C3orf20: variants seen among roughly 807,000 people sequenced by gnomAD.
The protein encoded by C3orf20 is family with sequence similarity 149 member C.
Under a neutral mutation model 88.3 loss-of-function variants are expected in C3orf20, and 76 were observed. The ratio of observed to expected loss-of-function variants is 0.86; its 90% CI spans 0.72 to 1.04. The LOEUF is 1.04. Among genes scored for constraint, C3orf20 ranks in the 50% least tolerant of loss-of-function variants. C3orf20 has a pLI of 0.00. For missense variants in C3orf20, 1,056 were observed against 1,123.3 expected (o/e 0.94, Z 0.86); for synonymous variants, 436 against 437.4 (o/e 1.00, Z 0.04).
Position 14,761,556 on chromosome 3 carries a change from C to T in C3orf20, c.2436C>T (p.Ile812=). The part of the protein sequence containing the change: ...GLSKQNLLKQ[I]FRSQQDYKMG... ...GCAAGCAGAATCTGCTGAAACAGAT[C>T]TTCCGGTCTCAACAGGATTACAAGA... The change falls in exon 15 of 17, where the codon ATC becomes ATT. Residue 812 remains isoleucine (I), a synonymous_variant. Transcript: ENST00000253697. 1.2e-6 allele frequency: 2 copies of T among 1,613,946 alleles called. No homozygotes were observed. The highest frequency in any genetic ancestry group is 1.7e-6 in the Non-Finnish European group (2 of 1,179,920).
intron 12 of C3orf20, among the ~76,000 whole-genome samples, chr3:14,747,839 T>C (rs1311765017): frequency 6.6e-6 from 1 of 151,946 alleles, no homozygotes; most frequent in Non-Finnish European, 1.5e-5. Context: ...ATATTATATA[T>C]ATATGATATA....
At chr3:14,763,455 C>G (rs956328403) in intron 15 of C3orf20, among the ~76,000 whole-genome samples, 6 of 152,098 alleles carry the variant, frequency 3.9e-5, no homozygotes, top group Admixed American at 1.3e-4. Context: ...ATGAGGGTCC[C>G]ACCCTCATGA....
chr3:14,709,592 T>C (rs1166690295), intron 7 of C3orf20, among the ~76,000 whole-genome samples: 4 of 152,212 alleles, frequency 2.6e-5, no homozygotes, highest in Non-Finnish European at 5.9e-5. Flanking sequence ...GTATTGAATT[T>C]TGTCAAATGC....
At chr3:14,700,480 T>A (rs1481695402) in intron 5 of C3orf20, among the ~76,000 whole-genome samples, 5 of 152,244 alleles carry the variant, frequency 3.3e-5, no homozygotes, top group African/African-American at 1.2e-4. Flanking sequence ...GGTTTGGTAC[T>A]ATCCATGCTT....
chr3:14,728,338 G>C lies in C3orf20; in HGVS notation c.1691-101G>C. On this transcript the variant is annotated intron_variant, in intron 11 of 16. Coordinates refer to ENST00000253697, the MANE Select transcript of C3orf20 (RefSeq NM_032137.5). Reference sequence around the variant, plus strand: ...TCAATGAGAGCGGAGGGGAGGAGATGGGGGTGAGCCAAGGTGCACTTAGAT... The same window carrying C: ...TCAATGAGAGCGGAGGGGAGGAGATCGGGGTGAGCCAAGGTGCACTTAGAT... 4 of 1,430,366 alleles carry C rather than the reference G, an allele frequency of 2.8e-6. No individual in the cohort carries two copies. The South Asian group carries it at 5.1e-5, about 18-fold the overall frequency. 88.6% of individuals were successfully genotyped at this position (1,430,366 alleles called of 1,614,324 possible).
At chr3:14,691,172 C>T (rs1170629518) in intron 5 of C3orf20, among the ~76,000 whole-genome samples, 1 of 152,230 alleles carries the variant, frequency 6.6e-6, no homozygotes, top group African/African-American at 2.4e-5. Context: ...CTTAAAGGAG[C>T]TGACCTCCTC....
At chr3:14,771,490 G>C (rs1255502557) in intron 15 of C3orf20, among the ~76,000 whole-genome samples, 1 of 152,248 alleles carries the variant, frequency 6.6e-6, no homozygotes, top group Non-Finnish European at 1.5e-5. Context: ...CTTGCTCCCT[G>C]TTCCTGGTAG....
At chr3:14,675,976 G>T (rs1575078450) in intron 1 of C3orf20, among the ~76,000 whole-genome samples, 1 of 152,250 alleles carries the variant, frequency 6.6e-6, no homozygotes, top group East Asian at 1.9e-4. Flanking sequence ...ACGGGTGTGA[G>T]CCACTGCACC....
chr3:14,682,764 GGC>G lies in C3orf20; in HGVS notation c.52_53del (p.Ala18ProfsTer30), dbSNP rs1559392427. The G allele has an allele frequency of 8.7e-6, 14 of 1,614,092 alleles. No homozygotes were observed. Among genetic ancestry groups the G allele is most frequent in the Non-Finnish European group, 1.2e-5 (14 of 1,180,012 alleles). The part of the protein sequence containing the change: ...LELYQQYTAM[A>X]PKLLARISKL... ...AATTATATCAGCAATACACAGCCAT[GGC>G]CCCCAAGCTACTGGCCCGCATCTCC... is the stretch of plus-strand genomic sequence containing the variant. On this transcript the variant is annotated frameshift_variant, in exon 3 of 17. Coordinates refer to ENST00000253697, the MANE Select transcript of C3orf20 (RefSeq NM_032137.5). LOFTEE classifies it high-confidence loss of function.
intron 15 of C3orf20, chr3:14,767,483 GTGGGATGGGGGTGTAGTTCTTTC>G (rs1332761489): frequency 6.6e-6 from 1 of 152,320 alleles, no homozygotes; most frequent in East Asian, 1.9e-4. Context: ...TCCCCTCCCT[GTGGGATGGGGGTGTAGTTCTTTC>G]TGGACCATTC....
At chr3:14,762,780 C>T (rs972059552) in intron 15 of C3orf20, among the ~76,000 whole-genome samples, 1 of 151,954 alleles carries the variant, frequency 6.6e-6, no homozygotes, top group Non-Finnish European at 1.5e-5. Flanking sequence ...CTGGGTACCC[C>T]CTACTCCCAC....
At chr3:14,757,782 G>T in intron 13 of C3orf20, 108 bp downstream of exon 13, 1 of 1,023,852 alleles carries the variant, frequency 9.8e-7, no homozygotes. Flanking sequence ...TGCCTGAGGG[G>T]CCACCCTCCT....
rs773367202 is a variant in C3orf20, at chr3:14,682,943, T to C, written c.230T>C (p.Leu77Pro). 1 of 1,614,174 alleles carries C rather than the reference T, an allele frequency of 6.2e-7. No individual in the cohort carries two copies. Among genetic ancestry groups the C allele is most frequent in the Non-Finnish European group, 8.5e-7 (1 of 1,180,012 alleles). ...CTGGAGGTCAGCTTTGGAGCCCCCC[T>C]GGTGGTGCTCATGGAACCCACCTTT... is the stretch of plus-strand genomic sequence containing the variant. ...LGLEVSFGAPLVVLMEPTFVQ... is the reference protein window; with the variant it reads ...LGLEVSFGAPPVVLMEPTFVQ... The change falls in exon 3 of 17, where the codon CTG (leucine) becomes CCG (proline). Residue 77 changes from leucine to proline, a missense_variant. Physicochemically the swap from Leu to Pro is moderately conservative, Grantham distance 98 (BLOSUM62 -3). Transcript: ENST00000253697.
chr3:14,675,424 C>T (rs140193757), intron 1 of C3orf20, among the ~76,000 whole-genome samples, 172 bp downstream of exon 1: 4 of 152,176 alleles, frequency 2.6e-5, no homozygotes, highest in African/African-American at 9.6e-5. Flanking sequence ...GGGCGAGAGG[C>T]CAGGAATGAT....
chr3:14,765,857 C>A (rs2035686136), intron 15 of C3orf20, among the ~76,000 whole-genome samples: 1 of 152,202 alleles, frequency 6.6e-6, no homozygotes, highest in Admixed American at 6.5e-5. Context: ...GAAGAGGAAC[C>A]CACAAAGGAG....
chr3:14,697,057 T>C (rs530785409), intron 5 of C3orf20, among the ~76,000 whole-genome samples: 20 of 152,248 alleles, frequency 1.3e-4, no homozygotes, highest in African/African-American at 3.8e-4. Flanking sequence ...TGGAGCTCCA[T>C]TGTATGTTAT....
At chr3:14,711,571 T>A (rs182152568) in intron 7 of C3orf20, among the ~76,000 whole-genome samples, 76 of 151,680 alleles carry the variant, frequency 5.0e-4, no homozygotes, top group Middle Eastern at 3.4e-3. Context: ...AAAGTGAGTC[T>A]CTTAGACACG....
chr3:14,765,739 G>A (rs2035682635), intron 15 of C3orf20: 1 of 152,912 alleles, frequency 6.5e-6, no homozygotes, highest in Non-Finnish European at 1.5e-5. Flanking sequence ...CACCAGGCTG[G>A]GGGCACTTCA....
intron 11 of C3orf20, among the ~76,000 whole-genome samples, chr3:14,727,542 C>T (rs1489591451): frequency 6.6e-6 from 1 of 152,074 alleles, no homozygotes; most frequent in African/African-American, 2.4e-5. Flanking sequence ...CTCTGAGCCC[C>T]TCTCCTGACT....
Sources: gnomAD v4.1 joint callset for allele counts (sites outside exome capture counted in the v4.1 genomes callset) on GRCh38, gnomAD v4.1.1 for gene constraint, MANE v1.5 for transcripts, NCBI Gene and HGNC (gene_info 2026-07-23, HGNC 2026-07-21) for gene names.